AKAP1: variants seen among roughly 807,000 people sequenced by gnomAD.
The protein encoded by AKAP1 is A-kinase anchor protein 1, mitochondrial.
AKAP1 carries 32 observed loss-of-function variants against 79.8 expected under a neutral mutation model. The observed-to-expected ratio is 0.40, with a 90% CI of 0.30 to 0.54. The LOEUF is 0.54. Ranked by LOEUF, AKAP1 falls within the 20% of genes least tolerant of loss-of-function variation. The pLI, the probability that AKAP1 is intolerant of heterozygous loss-of-function variation, is 0.47. For synonymous variants in AKAP1, 416 were observed against 466.7 expected, an observed-to-expected ratio of 0.89 and a Z score of 1.40; for missense variants, 961 against 1,138.9, an observed-to-expected ratio of 0.84 and a Z score of 2.25.
chr17:57,119,169 T>C, intron 10 of AKAP1, 125 bp downstream of exon 10: 2 of 1,043,994 alleles, frequency 1.9e-6, no homozygotes, highest in Non-Finnish European at 2.9e-6. Flanking sequence ...AAGCACCTCC[T>C]AGGGAACACT....
chr17:57,104,095 G>C (rs531662542), intron 1 of AKAP1, among the ~76,000 whole-genome samples: 1 of 152,070 alleles, frequency 6.6e-6, no homozygotes, highest in Non-Finnish European at 1.5e-5. Flanking sequence ...GAGTAGCTGG[G>C]ATTACAGGCG....
intron 8 of AKAP1, among the ~76,000 whole-genome samples, chr17:57,117,275 G>T (rs976901602): frequency 6.6e-6 from 1 of 152,156 alleles, no homozygotes; most frequent in African/African-American, 2.4e-5. Context: ...GCTCAGCCAG[G>T]CCATAGCTCC....
intron 1 of AKAP1, among the ~76,000 whole-genome samples, chr17:57,097,784 G>C (rs992100024): frequency 1.3e-5 from 2 of 152,242 alleles, no homozygotes; most frequent in African/African-American, 4.8e-5. Context: ...TCAAATTCCA[G>C]TGTAAATGTT....
chr17:57,116,146 G>T lies in AKAP1; in HGVS notation c.2317G>T (p.Ala773Ser), dbSNP rs1182568405. 3 of 1,613,822 alleles carry T rather than the reference G, an allele frequency of 1.9e-6. No homozygotes were observed. The highest frequency in any genetic ancestry group is 2.7e-5 in the African/African-American group (2 of 74,940). Residue 773 changes from alanine to serine, a missense_variant, in exon 7 of 11, where the codon GCC becomes TCC. Physicochemically the swap from Ala to Ser is moderately conservative, Grantham distance 99 (BLOSUM62 1). Transcript: ENST00000337714. ...CTGTGCCGCCCCTGGTGCGGACGGG[G>T]CCTGGTGGCGAGCCCAAGTGGTTGC... ...VICAAPGADGAWWRAQVVASY... is the reference protein window; with the variant it reads ...VICAAPGADGSWWRAQVVASY...
rs1915620131 is a variant in AKAP1 at position 57,116,876 on chromosome 17, C to T, written c.2449C>T (p.Leu817=). ...CCTTCCCAGGTCTGACTTTGTCACC[C>T]TGCCGTTTCAGGGAGCAGAAGTCCT... is the stretch of plus-strand genomic sequence containing the variant. ...LRQIRSDFVT[L]PFQGAEVLLD... The change falls in exon 8 of 11, where the codon CTG becomes TTG. Residue 817 remains leucine, a synonymous_variant. Transcript: ENST00000337714. 2.5e-6 allele frequency: 4 copies of T among 1,614,112 alleles called. No homozygotes were observed. The highest frequency in any genetic ancestry group is 1.7e-5 in the Admixed American group (1 of 60,008).
At chr17:57,093,226 T>C (rs2144642471) in intron 1 of AKAP1, 1 of 152,380 alleles carries the variant, frequency 6.6e-6, no homozygotes, top group Non-Finnish European at 1.5e-5. Context: ...CTCAATCAGT[T>C]GAGAGAGGCT....
chr17:57,112,696 T>A, intron 5 of AKAP1, 78 bp downstream of exon 5: 8 of 1,527,082 alleles, frequency 5.2e-6, no homozygotes, highest in Non-Finnish European at 7.0e-6. Context: ...TCCCCAGACC[T>A]CAGGCTAAGA....
rs1258603607 is a variant in AKAP1 at position 57,118,998 on chromosome 17, C to T, written c.2591C>T (p.Pro864Leu). 1 of 1,613,020 alleles carries T rather than the reference C, an allele frequency of 6.2e-7. No homozygotes were observed. The highest frequency in any genetic ancestry group is 1.3e-5 in the African/African-American group (1 of 74,872). ...CTTCTTCAGGTGACAAGTTACAGTC[C>T]AACTGGTCTTCCTCTGATTCAGCTG... Reference protein sequence around the residue: ...ALLAQVTSYSPTGLPLIQLWS... With the variant: ...ALLAQVTSYSLTGLPLIQLWS... The change falls in exon 10 of 11, where the codon CCA (proline) becomes CTA (leucine). Residue 864 changes from proline (P) to leucine (L), a missense_variant. Around this residue, in one of 3 missense-constraint regions of AKAP1, gnomAD observed 629 missense variants for 781.1 expected, o/e 0.81. Coordinates refer to ENST00000337714, the MANE Select transcript of AKAP1 (RefSeq NM_003488.4).
chr17:57,107,819 C>A, intron 2 of AKAP1: 2 of 475,958 alleles, frequency 4.2e-6, no homozygotes, highest in Non-Finnish European at 7.7e-6. Flanking sequence ...CTTTCCTTCT[C>A]CAGAAGCTCT....
At chr17:57,089,444 T>A (rs1427358941) in intron 1 of AKAP1, among the ~76,000 whole-genome samples, 3 of 152,212 alleles carry the variant, frequency 2.0e-5, no homozygotes, top group African/African-American at 7.2e-5. Flanking sequence ...GCTGTGTGAC[T>A]AATTAAACTT....
At chr17:57,119,513 A>ACC (rs1330659843) in intron 10 of AKAP1, among the ~76,000 whole-genome samples, 1 of 152,110 alleles carries the variant, frequency 6.6e-6, no homozygotes, top group East Asian at 1.9e-4. Context: ...CAGGAGTTTG[A>ACC]GACCAGCCTG....
chr17:57,088,605 T>C (rs1310285213), intron 1 of AKAP1, among the ~76,000 whole-genome samples: 1 of 152,218 alleles, frequency 6.6e-6, no homozygotes, highest in African/African-American at 2.4e-5. Context: ...ATGGCTTTTG[T>C]GAGAAGAACC....
intron 2 of AKAP1, chr17:57,108,116 C>A: frequency 1.2e-6 from 1 of 859,180 alleles, no homozygotes; most frequent in Non-Finnish European, 1.5e-6. Context: ...TGGAGAGAGG[C>A]CACGAATATC....
rs117349326 is a variant in AKAP1 at position 57,112,476 on chromosome 17, C to T, written c.1976-15C>T. 0.019 allele frequency: 30,061 copies of T among 1,611,726 alleles called. 432 individuals are homozygous for T. The highest frequency in any genetic ancestry group is 0.022 in the Non-Finnish European group (26,140 of 1,178,808). On this transcript the variant is annotated splice_polypyrimidine_tract_variant and intron_variant, in intron 4 of 10. Coordinates refer to ENST00000337714, the MANE Select transcript of AKAP1 (RefSeq NM_003488.4). Reference sequence around the variant, plus strand: ...CTTACAGTGATTGTATGTCCTGCCCCCATCCGCTATTTAGGCTCTCAACAT... The same window carrying T: ...CTTACAGTGATTGTATGTCCTGCCCTCATCCGCTATTTAGGCTCTCAACAT...
At chr17:57,119,139 C>T (rs1288564005) in intron 10 of AKAP1, 95 bp downstream of exon 10, 11 of 1,342,536 alleles carry the variant, frequency 8.2e-6, no homozygotes, top group Non-Finnish European at 1.2e-5. Context: ...TTGAGTTAAT[C>T]AGAGGATATA....
rs1216796725 is a variant in AKAP1 at position 57,118,413 on chromosome 17, G to A, written c.2533G>A (p.Ala845Thr). 7.4e-6 allele frequency: 12 copies of A among 1,613,828 alleles called. No homozygotes were observed. The highest frequency in any genetic ancestry group is 6.7e-5 in the Admixed American group (4 of 59,984). The change falls in exon 9 of 11, where the codon GCC (alanine) becomes ACC (threonine). Residue 845 changes from alanine (A) to threonine (T), a missense_variant. By Grantham distance (58) the Ala-to-Thr change is moderately conservative (BLOSUM62 0). This residue lies in a region of AKAP1 where 629 missense variants were observed against 781.1 expected (regional missense o/e 0.81). Transcript: ENST00000337714. ...DDQFSPEADA[A>T]MSEMTGNTAL... ...CCAGTTTTCACCGGAAGCAGATGCC[G>A]CCATGAGCGAGATGACGGGGAATAC...
At chr17:57,111,648 A>C (rs534943979) in intron 3 of AKAP1, 150 bp from the exon 4 acceptor site, 292 of 959,018 alleles carry the variant, frequency 3.0e-4, no homozygotes, top group Non-Finnish European at 3.9e-4. Flanking sequence ...AGTAAATGTA[A>C]GTGCTTAGAA....
chr17:57,115,726 C>T (rs1915538804), intron 6 of AKAP1, among the ~76,000 whole-genome samples: 1 of 152,222 alleles, frequency 6.6e-6, no homozygotes, highest in African/African-American at 2.4e-5. Flanking sequence ...CACTTGATTT[C>T]TTCAGGGACT....
intron 1 of AKAP1, among the ~76,000 whole-genome samples, chr17:57,097,484 G>A (rs1040283912): frequency 5.9e-5 from 9 of 152,228 alleles, no homozygotes; most frequent in Non-Finnish European, 8.8e-5. Flanking sequence ...GGAATCTTGC[G>A]GAGAACTCCG....
Sources: allele counts gnomAD v4.1 joint callset (sites outside exome capture counted in the v4.1 genomes callset), GRCh38; gene constraint gnomAD v4.1.1; regional missense constraint gnomAD v4.1.1; transcripts MANE v1.5; gene names NCBI Gene and HGNC (gene_info 2026-07-23, HGNC 2026-07-21).